Variants in BBX observed in about 807,000 individuals in gnomAD.
The protein encoded by BBX is BBX high mobility group box domain containing, also known as HMG box transcription factor BBX.
Under a neutral mutation model 100.2 loss-of-function variants are expected in BBX, and 30 were observed. That is an observed-to-expected ratio of 0.30 (90% CI 0.22 to 0.41). The LOEUF is 0.41. BBX is among the 10% of genes least tolerant of loss of function. The pLI is 1.00. For missense variants in BBX, 1,023 were observed against 1,129.8 expected, an observed-to-expected ratio of 0.91 and a Z score of 1.35; for synonymous variants, 376 against 388.1, an observed-to-expected ratio of 0.97 and a Z score of 0.37.
intron 15 of BBX, among the ~76,000 whole-genome samples, chr3:107,794,174 A>G (rs977664913): frequency 2.6e-5 from 4 of 152,034 alleles, no homozygotes; most frequent in Non-Finnish European, 4.4e-5. Flanking sequence ...ACTTACTACC[A>G]CTTTATAGTT....
chr3:107,682,126 G>T (rs1193638770), intron 3 of BBX, among the ~76,000 whole-genome samples: 1 of 152,120 alleles, frequency 6.6e-6, no homozygotes, highest in Non-Finnish European at 1.5e-5. Flanking sequence ...AATAGCAGAT[G>T]TAGAATAAAT....
chr3:107,579,105 A>G (rs2052057682), intron 2 of BBX, among the ~76,000 whole-genome samples: 1 of 152,152 alleles, frequency 6.6e-6, no homozygotes, highest in Non-Finnish European at 1.5e-5. Context: ...AAACGCCTGC[A>G]TTATTTTTTC....
Position 107,773,693 on chromosome 3 carries a change from T to A in BBX, c.1915+57T>A. ...CAAAAACCAAACAGAATTTCACCTTTAGACCTATTGAAAACAACTGCCATA... is the reference window on the plus strand; with the variant it reads ...CAAAAACCAAACAGAATTTCACCTTAAGACCTATTGAAAACAACTGCCATA... On this transcript the variant is annotated intron_variant, in intron 11 of 17. Coordinates refer to ENST00000325805, the MANE Select transcript of BBX (RefSeq NM_001142568.3). The surrounding 1 kb of genome is among the most constrained non-coding windows in gnomAD (Gnocchi z 4.1). The A allele has an allele frequency of 6.7e-7, 1 of 1,482,048 alleles. No individual in the cohort carries two copies. The highest frequency in any genetic ancestry group is 9.0e-7 in the Non-Finnish European group (1 of 1,106,310). The allele number at this position is 1,482,048 out of a possible 1,614,324, so 91.8% of individuals were successfully genotyped here. A position where few individuals can be genotyped will look rare whatever the true frequency, so the allele number is the denominator to read the frequency against.
intron 3 of BBX, among the ~76,000 whole-genome samples, chr3:107,698,193 G>T (rs1273286194): frequency 6.6e-6 from 1 of 151,700 alleles, no homozygotes; most frequent in Non-Finnish European, 1.5e-5. Flanking sequence ...GACCAGAGCT[G>T]TTCCTATTCG....
At chr3:107,713,967 C>CTTTTT (rs569427270) in intron 4 of BBX, among the ~76,000 whole-genome samples, 6 of 82,284 alleles carry the variant, frequency 7.3e-5, no homozygotes, top group African/African-American at 7.8e-5. Flanking sequence ...TAATTTTTTT[C>CTTTTT]TTTTTTTTTT....
intron 3 of BBX, among the ~76,000 whole-genome samples, chr3:107,695,980 T>C (rs2060568111): frequency 6.6e-6 from 1 of 151,880 alleles, no homozygotes; most frequent in African/African-American, 2.4e-5. Flanking sequence ...TTATCTTTGT[T>C]GGTTTAAAGT....
chr3:107,578,420 T>G (rs77600866), intron 2 of BBX, among the ~76,000 whole-genome samples: 3 of 83,378 alleles, frequency 3.6e-5, no homozygotes, highest in Non-Finnish European at 1.1e-4. Context: ...GACTGAAAGA[T>G]AGAGTGAGGT....
chr3:107,743,200 A>T (rs1038275283), intron 7 of BBX, among the ~76,000 whole-genome samples: 2 of 152,202 alleles, frequency 1.3e-5, no homozygotes, highest in Non-Finnish European at 2.9e-5. Context: ...TAAAATTTTG[A>T]TTATTTACCA....
rs540678352 is a variant in BBX at position 107,739,412 on chromosome 3, C to A, written c.670-5218C>A. Among the ~76,000 whole-genome samples, 287 of 152,290 alleles carry A rather than the reference C, an allele frequency of 1.9e-3. 1 individual carries two copies. Among genetic ancestry groups the A allele is most frequent in the African/African-American group, 6.7e-3 (278 of 41,572 alleles). On this transcript the variant is annotated intron_variant, in intron 7 of 17. Transcript: ENST00000325805. ...CTTCCTCTTTTCTTGGGTGGCTCCCCCTTTATGTCACTCTTCACTGCCCAC... is the reference window on the plus strand; with the variant it reads ...CTTCCTCTTTTCTTGGGTGGCTCCCACTTTATGTCACTCTTCACTGCCCAC...
chr3:107,623,627 G>T (rs1159189985), intron 2 of BBX, among the ~76,000 whole-genome samples: 1 of 152,110 alleles, frequency 6.6e-6, no homozygotes, highest in African/African-American at 2.4e-5. Context: ...GGGTCTGAAG[G>T]TTGTATAATT....
chr3:107,651,303 T>C (rs1258367525), intron 3 of BBX, among the ~76,000 whole-genome samples: 1 of 152,180 alleles, frequency 6.6e-6, no homozygotes, highest in Admixed American at 6.5e-5. Flanking sequence ...TTTGATACTT[T>C]TGAGGAGGGA....
Position 107,755,631 on chromosome 3 carries a change from G to A in BBX, c.859G>A (p.Glu287Lys). 6.2e-7 allele frequency: 1 copy of A among 1,613,912 alleles called. No individual in the cohort carries two copies. The highest frequency in any genetic ancestry group is 8.5e-7 in the Non-Finnish European group (1 of 1,179,870). ...SSNTSQLGGA[E>K]PVKRCGKSAL... ...AAACACTTCGCAGTTGGGTGGTGCT[G>A]AGCCTGTAAAACGCTGTGGAAAGTC... is the stretch of plus-strand genomic sequence containing the variant. Residue 287 changes from glutamate to lysine, a missense_variant, in exon 10 of 18, where the codon GAG becomes AAG. Physicochemically the swap from Glu to Lys is moderately conservative, Grantham distance 56 (BLOSUM62 1). Coordinates refer to ENST00000325805, the MANE Select transcript of BBX (RefSeq NM_001142568.3).
chr3:107,658,911 C>A (rs943528240), intron 3 of BBX, among the ~76,000 whole-genome samples: 1 of 152,088 alleles, frequency 6.6e-6, no homozygotes. Flanking sequence ...AGACTATATT[C>A]TTTGCATAGT....
At chr3:107,776,094 A>T (rs2067297644) in intron 12 of BBX, 1 of 152,184 alleles carries the variant, frequency 6.6e-6, no homozygotes, top group African/African-American at 2.4e-5. Context: ...ACCTGCAAGC[A>T]TCTAGACCAG....
Position 107,756,436 on chromosome 3 carries a change from A to G in BBX, c.906+758A>G, listed in dbSNP as rs920146942. Among the ~76,000 whole-genome samples the G allele has an allele frequency of 3.3e-5, 5 of 151,914 alleles. No individual in the cohort carries two copies. The East Asian group carries it at 9.6e-4, about 29-fold the overall frequency. On this transcript the variant is annotated intron_variant, in intron 10 of 17. Coordinates refer to ENST00000325805, the MANE Select transcript of BBX (RefSeq NM_001142568.3). ...TGGATAACCAAAAATCTCTTACTAA[A>G]TTTTTTTTAATTTTCTCATTTTTCT... is the stretch of plus-strand genomic sequence containing the variant.
intron 3 of BBX, among the ~76,000 whole-genome samples, chr3:107,683,038 ATCAG>A (rs1212752785): frequency 6.6e-6 from 1 of 152,178 alleles, no homozygotes; most frequent in African/African-American, 2.4e-5. Flanking sequence ...AGACAAAAAT[ATCAG>A]TCAATGCATA....
chr3:107,568,849 G>A (rs1233393987), intron 2 of BBX, among the ~76,000 whole-genome samples: 3 of 152,066 alleles, frequency 2.0e-5, no homozygotes, highest in African/African-American at 7.2e-5. Context: ...TCATTTCCAG[G>A]ACTCAAGGTT....
chr3:107,807,499 T>C lies in BBX; in HGVS notation c.*2042T>C, dbSNP rs1217437565. On this transcript the variant is annotated 3_prime_UTR_variant, in exon 18 of 18. Coordinates refer to ENST00000325805, the MANE Select transcript of BBX (RefSeq NM_001142568.3). ...TTTTGGACCACTCGCTAGCAGTGAT[T>C]TGAAGATTATAATTAGCTAAAATCC... The C allele has an allele frequency of 2.0e-5, 3 of 152,136 alleles. No homozygotes were observed. Among genetic ancestry groups the C allele is most frequent in the African/African-American group, 7.2e-5 (3 of 41,436 alleles). The allele number at this position is 152,136 out of a possible 1,614,324, so 9.4% of individuals were successfully genotyped here. A position where few individuals can be genotyped will look rare whatever the true frequency, so the allele number is the denominator to read the frequency against.
chr3:107,700,808 T>C (rs181489594), intron 3 of BBX, among the ~76,000 whole-genome samples: 4 of 151,928 alleles, frequency 2.6e-5, no homozygotes, highest in African/African-American at 9.7e-5. Flanking sequence ...CTATGGTGTA[T>C]ATGTGCCACA....
Sources: allele counts gnomAD v4.1 joint callset (sites outside exome capture counted in the v4.1 genomes callset), GRCh38; gene constraint gnomAD v4.1.1; non-coding constraint Gnocchi (gnomAD v3.1); transcripts MANE v1.5; gene names NCBI Gene and HGNC (gene_info 2026-07-23, HGNC 2026-07-21).